NDUFS4: variants seen among roughly 807,000 people sequenced by gnomAD.
NDUFS4 encodes the protein NADH dehydrogenase [ubiquinone] iron-sulfur protein 4, mitochondrial.
NDUFS4 carries 28 observed loss-of-function variants against 24.3 expected under a neutral mutation model. That is an observed-to-expected ratio of 1.15 (90% CI 0.85 to 1.58). NDUFS4 has a LOEUF of 1.58. NDUFS4 is among the 40% of genes most tolerant of loss of function. NDUFS4 has a pLI of 0.00. For missense variants in NDUFS4, 223 were observed against 207.9 expected (o/e 1.07, Z -0.45); for synonymous variants, 93 against 69.7 (o/e 1.34, Z -1.67).
Position 53,662,517 on chromosome 5 carries a change from G to C in NDUFS4, c.424+3893G>C, listed in dbSNP as rs536949937. On this transcript the variant is annotated intron_variant, in intron 4 of 4. Coordinates refer to ENST00000296684, the MANE Select transcript of NDUFS4 (RefSeq NM_002495.4). ...GGATGATGCTGGCCTCATAAAATGA[G>C]TTAGGGAGGATTCCTTCTTTTTCTA... 6.1e-3 allele frequency among the ~76,000 whole-genome samples: 931 copies of C among 152,278 alleles called. 11 individuals are homozygous for C. Among genetic ancestry groups the C allele is most frequent in the African/African-American group, 0.021 (888 of 41,548 alleles).
intron 1 of NDUFS4, among the ~76,000 whole-genome samples, chr5:53,580,808 C>CCTTTCTTTTCTTTTCTT (rs1316013371): frequency 7.3e-6 from 1 of 136,076 alleles, no homozygotes; most frequent in East Asian, 2.1e-4. Flanking sequence ...TCTTTCTTTC[C>CCTTTCTTTTCTTTTCTT]CTTTCTTTTC....
chr5:53,662,909 A>G (rs1234339410), intron 4 of NDUFS4, among the ~76,000 whole-genome samples: 1 of 151,740 alleles, frequency 6.6e-6, no homozygotes, highest in Non-Finnish European at 1.5e-5. Flanking sequence ...TTTAATTGTG[A>G]TGTTAGGGTG....
Position 53,646,367 on chromosome 5 carries a change from A to G in NDUFS4, c.312A>G (p.Arg104=), listed in dbSNP as rs31303. 1,242,990 of 1,613,250 alleles carry G rather than the reference A, an allele frequency of 0.77. 479,850 individuals are homozygous for G. The highest frequency in any genetic ancestry group is 0.85 in the African/African-American group (64,002 of 74,972). ...AATGGAAGATGGAGTTTGATACCAG[A>G]GAGCGATGGGAAAATCCTTTGATGG... The part of the protein sequence containing the change: ...TKKWKMEFDT[R]ERWENPLMGW... Residue 104 remains arginine, a synonymous_variant, in exon 3 of 5, where the codon AGA becomes AGG. Coordinates refer to ENST00000296684, the MANE Select transcript of NDUFS4 (RefSeq NM_002495.4).
intron 2 of NDUFS4, among the ~76,000 whole-genome samples, chr5:53,626,978 A>G (rs963595892): frequency 1.1e-4 from 16 of 151,960 alleles, no homozygotes; most frequent in Admixed American, 2.0e-4. Flanking sequence ...CCTGAATGGT[A>G]TTGCCTAGGT....
chr5:53,583,489 T>C (rs72751823), intron 1 of NDUFS4, among the ~76,000 whole-genome samples: 25,019 of 152,232 alleles, frequency 0.16, 2,281 homozygotes, highest in Non-Finnish European at 0.21. Flanking sequence ...TAAATAGCTG[T>C]ATAGCTATTA....
intron 2 of NDUFS4, among the ~76,000 whole-genome samples, chr5:53,616,275 A>C (rs932668359): frequency 6.6e-6 from 1 of 152,052 alleles, no homozygotes; most frequent in East Asian, 1.9e-4. Flanking sequence ...AAAGCACAAC[A>C]ACCATGTCCT....
chr5:53,599,203 G>A (rs1166127733), intron 1 of NDUFS4, among the ~76,000 whole-genome samples: 1 of 151,770 alleles, frequency 6.6e-6, no homozygotes, highest in Non-Finnish European at 1.5e-5. Flanking sequence ...TTTTGCTTTT[G>A]GCTATTTGAA....
At chr5:53,628,795 C>G (rs536216383) in intron 2 of NDUFS4, among the ~76,000 whole-genome samples, 46 of 152,092 alleles carry the variant, frequency 3.0e-4, no homozygotes, top group Non-Finnish European at 5.7e-4. Flanking sequence ...AGCAGTCTAT[C>G]TATTTTGTTG....
intron 1 of NDUFS4, among the ~76,000 whole-genome samples, chr5:53,587,011 A>G (rs1749779513): frequency 6.6e-6 from 1 of 151,942 alleles, no homozygotes; most frequent in Non-Finnish European, 1.5e-5. Flanking sequence ...TTTAGTGGAG[A>G]CGGGGTTTCA....
intron 3 of NDUFS4, among the ~76,000 whole-genome samples, chr5:53,647,301 C>A (rs1188378343): frequency 6.6e-6 from 1 of 152,072 alleles, no homozygotes; most frequent in Non-Finnish European, 1.5e-5. Context: ...CAGCCCTGAA[C>A]TCTGGGATGA....
intron 1 of NDUFS4, among the ~76,000 whole-genome samples, chr5:53,570,494 A>G (rs1749174461): frequency 6.6e-6 from 1 of 152,120 alleles, no homozygotes; most frequent in Non-Finnish European, 1.5e-5. Flanking sequence ...TATGTGAATT[A>G]TGATTTTGTT....
intron 2 of NDUFS4, among the ~76,000 whole-genome samples, chr5:53,631,774 A>G (rs1337505108): frequency 2.0e-5 from 3 of 152,222 alleles, no homozygotes; most frequent in East Asian, 1.9e-4. Context: ...TGCGCTAGCC[A>G]TGAGAATTTC....
At chr5:53,601,405 G>A (rs563565443) in intron 1 of NDUFS4, among the ~76,000 whole-genome samples, 49 of 152,058 alleles carry the variant, frequency 3.2e-4, no homozygotes, top group Admixed American at 6.5e-4. Flanking sequence ...AATTATATAT[G>A]GTTTTATAAA....
intron 1 of NDUFS4, among the ~76,000 whole-genome samples, chr5:53,577,361 T>A (rs1761102988): frequency 6.6e-6 from 1 of 152,034 alleles, no homozygotes; most frequent in Non-Finnish European, 1.5e-5. Flanking sequence ...TGCTAGAGGA[T>A]AATGGGAGTA....
At chr5:53,649,368 C>T (rs1412975583) in intron 3 of NDUFS4, among the ~76,000 whole-genome samples, 1 of 152,152 alleles carries the variant, frequency 6.6e-6, no homozygotes, top group Non-Finnish European at 1.5e-5. Flanking sequence ...CTCCCTCTCC[C>T]CTCTATTGGA....
rs1019452312 is a variant in NDUFS4, at chr5:53,605,785, C to T, written c.177+2255C>T. On this transcript the variant is annotated intron_variant, in intron 2 of 4. Coordinates refer to ENST00000296684, the MANE Select transcript of NDUFS4 (RefSeq NM_002495.4). ...ATCCCAGCACTTTGGGAGGCTGAGG[C>T]GGGCAGATCACAAGGTCAGGAGATC... 6.6e-5 allele frequency among the ~76,000 whole-genome samples: 10 copies of T among 152,128 alleles called. No homozygotes were observed. In the South Asian group the frequency reaches 8.3e-4, roughly 13 times the overall value.
At chr5:53,617,748 C>T (rs1750890296) in intron 2 of NDUFS4, among the ~76,000 whole-genome samples, 1 of 152,070 alleles carries the variant, frequency 6.6e-6, no homozygotes. Flanking sequence ...CATTTAATAA[C>T]TGAAAAATGG....
intron 2 of NDUFS4, among the ~76,000 whole-genome samples, chr5:53,611,457 A>G (rs563173595): frequency 2.0e-5 from 3 of 152,168 alleles, no homozygotes; most frequent in Non-Finnish European, 4.4e-5. Context: ...TAATTAGTCA[A>G]TTTTAGTTTG....
At chr5:53,671,702 G>T (rs375183574) in intron 4 of NDUFS4, among the ~76,000 whole-genome samples, 23 of 152,132 alleles carry the variant, frequency 1.5e-4, no homozygotes, top group Non-Finnish European at 2.4e-4. Flanking sequence ...GTAGAAGGAT[G>T]GGGGGTGGAG....
Sources: gnomAD v4.1 joint callset for allele counts (sites outside exome capture counted in the v4.1 genomes callset) on GRCh38, gnomAD v4.1.1 for gene constraint, MANE v1.5 for transcripts, NCBI Gene and HGNC (gene_info 2026-07-23, HGNC 2026-07-21) for gene names.